Variants in ESRRG observed in about 807,000 individuals in gnomAD.
ESRRG encodes estrogen-related receptor gamma.
Under a neutral mutation model 44.0 loss-of-function variants are expected in ESRRG, and 13 were observed. The observed-to-expected ratio is 0.30, with a 90% CI of 0.19 to 0.47. The LOEUF (loss-of-function observed/expected upper bound fraction) is 0.47, where lower values mean the gene tolerates loss of function less well. ESRRG is among the 20% of genes least tolerant of loss of function. The pLI, the probability that ESRRG is intolerant of heterozygous loss-of-function variation, is 1.00. For synonymous variants in ESRRG, 215 were observed against 214.6 expected (o/e 1.00, Z -0.02); for missense variants, 395 against 580.6 (o/e 0.68, Z 3.29).
intron 1 of ESRRG, among the ~76,000 whole-genome samples, chr1:217,036,992 G>A (rs961139115): frequency 1.3e-5 from 2 of 152,110 alleles, no homozygotes; most frequent in African/African-American, 4.8e-5. Flanking sequence ...CTCTTCCCAG[G>A]CCAGAGGAAT....
chr1:216,557,572 G>A (rs1363321469), intron 5 of ESRRG, among the ~76,000 whole-genome samples: 1 of 152,120 alleles, frequency 6.6e-6, no homozygotes, highest in East Asian at 1.9e-4. Context: ...CTTACCTACA[G>A]AATTGTTGTG....
At chr1:216,577,742 A>G (rs114698104) in intron 3 of ESRRG, among the ~76,000 whole-genome samples, 127 of 152,166 alleles carry the variant, frequency 8.3e-4, no homozygotes, top group African/African-American at 2.9e-3. Flanking sequence ...CTAATGATCA[A>G]AAAAGCAGAC....
intron 1 of ESRRG, among the ~76,000 whole-genome samples, chr1:217,011,144 T>C (rs959009916): frequency 1.3e-5 from 2 of 152,214 alleles, no homozygotes; most frequent in African/African-American, 4.8e-5. Flanking sequence ...GTCTGATTAT[T>C]ATAAATAACT....
At chr1:216,631,894 G>A (rs2064266776) in intron 3 of ESRRG, among the ~76,000 whole-genome samples, 1 of 152,114 alleles carries the variant, frequency 6.6e-6, no homozygotes, top group Non-Finnish European at 1.5e-5. Context: ...GTGGGACAAG[G>A]ATTGGGATGA....
In ESRRG at chr1:216,803,409, C is replaced by T. The variant is rs1166490560; in HGVS notation, c.-13-125918G>A. Among the ~76,000 whole-genome samples the T allele has an allele frequency of 2.0e-5, 3 of 152,140 alleles. No individual in the cohort carries two copies. In the East Asian group the frequency reaches 5.8e-4, roughly 29 times the overall value. ...GACTCTTGAGTGTCCCCCGCCCCATCACCAAATGCTGCTGAATAACCAACA... is the reference window on the plus strand; with the variant it reads ...GACTCTTGAGTGTCCCCCGCCCCATTACCAAATGCTGCTGAATAACCAACA... On this transcript the variant is annotated intron_variant, in intron 2 of 7. Transcript: ENST00000359162.
At chr1:216,587,654 C>T (rs540779907) in intron 3 of ESRRG, among the ~76,000 whole-genome samples, 1 of 152,178 alleles carries the variant, frequency 6.6e-6, no homozygotes, top group Non-Finnish European at 1.5e-5. Context: ...CATTTATGCT[C>T]AGAATTTTTT....
intron 2 of ESRRG, among the ~76,000 whole-genome samples, chr1:216,741,462 A>C (rs1576007820): frequency 7.7e-6 from 1 of 130,594 alleles, no homozygotes. Flanking sequence ...ACCCCCCTAC[A>C]CATACACACA....
chr1:217,116,394 A>G (rs1203042600), intron 1 of ESRRG, among the ~76,000 whole-genome samples: 5 of 152,186 alleles, frequency 3.3e-5, no homozygotes, highest in African/African-American at 7.2e-5. Flanking sequence ...GAGCTCCTGT[A>G]GCATCTATTA....
intron 3 of ESRRG, among the ~76,000 whole-genome samples, chr1:216,617,415 G>A (rs533477582): frequency 6.6e-6 from 1 of 151,860 alleles, no homozygotes; most frequent in South Asian, 2.1e-4. Context: ...CAGCAGCAAC[G>A]CAGTATCATG....
intron 6 of ESRRG, among the ~76,000 whole-genome samples, chr1:216,509,190 T>G (rs1327761609): frequency 2.0e-5 from 3 of 152,206 alleles, no homozygotes; most frequent in Admixed American, 1.3e-4. Flanking sequence ...GCTGCTAGAA[T>G]GTAGAACACT....
chr1:217,006,965 C>T (rs1461352136), intron 1 of ESRRG, among the ~76,000 whole-genome samples: 1 of 152,054 alleles, frequency 6.6e-6, no homozygotes, highest in East Asian at 1.9e-4. Context: ...AGGCTAGCTT[C>T]CCCATAAGTA....
intron 2 of ESRRG, among the ~76,000 whole-genome samples, chr1:216,823,601 CACTTA>C (rs1411743652): frequency 6.6e-6 from 1 of 152,132 alleles, no homozygotes; most frequent in Non-Finnish European, 1.5e-5. Flanking sequence ...AAATTTAAAT[CACTTA>C]ACTTTATTTC....
At chr1:216,732,158 A>C (rs1424600129) in intron 2 of ESRRG, among the ~76,000 whole-genome samples, 1 of 151,998 alleles carries the variant, frequency 6.6e-6, no homozygotes, top group Non-Finnish European at 1.5e-5. Flanking sequence ...ATAAAAAAAA[A>C]AAGAAGTGGA....
In ESRRG at chr1:216,718,095, T is replaced by C. The variant is rs1274452235; in HGVS notation, c.56+5149A>G. ...TCAGAAACAAATTGACTTACTAGGT[T>C]ACCTGTTACCTGTCTAACACACAGT... On this transcript the variant is annotated intron_variant, in intron 1 of 6. Coordinates refer to ENST00000408911, the MANE Select transcript of ESRRG (RefSeq NM_001438.4). 2.6e-5 allele frequency among the ~76,000 whole-genome samples: 4 copies of C among 151,936 alleles called. No homozygotes were observed. The East Asian group carries it at 7.7e-4, about 29-fold the overall frequency.
intron 2 of ESRRG, chr1:216,865,187 C>CAAAAAAAGAAAAAAAAAAAAAAAAAAA (rs2096128092): frequency 2.0e-5 from 1 of 49,244 alleles, no homozygotes; most frequent in Non-Finnish European, 3.3e-5. Flanking sequence ...AGCTGTGCAG[C>CAAAAAAAGAAAAAAAAAAAAAAAAAAA]AAAAAAAAAA....
intron 1 of ESRRG, among the ~76,000 whole-genome samples, chr1:216,946,952 G>A (rs1578502980): frequency 1.3e-5 from 2 of 152,030 alleles, no homozygotes; most frequent in East Asian, 3.9e-4. Context: ...TGCCCGCCTC[G>A]GCCTCCCTAA....
At chr1:216,716,534 T>C (rs2084914146) in intron 1 of ESRRG, among the ~76,000 whole-genome samples, 1 of 151,920 alleles carries the variant, frequency 6.6e-6, no homozygotes, top group South Asian at 2.1e-4. Flanking sequence ...TTTGGCTAGG[T>C]AAGTCCTGCC....
intron 2 of ESRRG, among the ~76,000 whole-genome samples, chr1:216,775,646 G>A (rs1014638934): frequency 1.5e-5 from 2 of 134,318 alleles, no homozygotes; most frequent in Admixed American, 8.8e-5. Flanking sequence ...TGACTTTCCA[G>A]ACTCAGGTGA....
intron 2 of ESRRG, among the ~76,000 whole-genome samples, chr1:216,888,401 T>G (rs2057335142): frequency 6.6e-6 from 1 of 152,220 alleles, no homozygotes; most frequent in South Asian, 2.1e-4. Flanking sequence ...TAGGAATAAT[T>G]CGCTAAATTT....
Sources: allele counts gnomAD v4.1 joint callset (sites outside exome capture counted in the v4.1 genomes callset), GRCh38; gene constraint gnomAD v4.1.1; transcripts MANE v1.5; gene names NCBI Gene and HGNC (gene_info 2026-07-23, HGNC 2026-07-21).